The following DENND1A variants were observed in gnomAD, a reference collection of about 807,000 sequenced individuals.
The protein encoded by DENND1A is DENN domain-containing protein 1A.
DENND1A carries 51 observed loss-of-function variants against 113.7 expected under a neutral mutation model. The observed-to-expected ratio is 0.45, with a 90% CI of 0.36 to 0.57. The LOEUF is 0.57. Ranked by LOEUF, DENND1A falls within the 20% of genes least tolerant of loss-of-function variation. DENND1A has a pLI of 0.00. For missense variants in DENND1A, 1,258 were observed against 1,395.9 expected (o/e 0.90, Z 1.57); for synonymous variants, 565 against 570.8 (o/e 0.99, Z 0.14).
At chr9:123,653,110 G>T (rs1429798413) in intron 8 of DENND1A, among the ~76,000 whole-genome samples, 6 of 152,178 alleles carry the variant, frequency 3.9e-5, no homozygotes, top group Non-Finnish European at 7.3e-5. Context: ...CCCATAAATT[G>T]AAGTAAACCA....
chr9:123,396,699 C>T (rs901767217), intron 21 of DENND1A, among the ~76,000 whole-genome samples: 4 of 152,154 alleles, frequency 2.6e-5, no homozygotes, highest in Admixed American at 2.6e-4. Flanking sequence ...CACTCCAATT[C>T]CTAGGCAGCA....
chr9:123,728,037 C>T (rs10986092), intron 5 of DENND1A, among the ~76,000 whole-genome samples: 11 of 151,262 alleles, frequency 7.3e-5, no homozygotes, highest in Admixed American at 1.3e-4. Context: ...ACCCAGAAGG[C>T]GGAGCTTGCA....
chr9:123,741,526 A>G (rs777554713), intron 5 of DENND1A, among the ~76,000 whole-genome samples: 13 of 152,222 alleles, frequency 8.5e-5, no homozygotes, highest in South Asian at 2.1e-4. Context: ...GGAAAATATT[A>G]ATTTCTAACT....
chr9:123,604,523 T>C (rs1057282518), intron 11 of DENND1A, among the ~76,000 whole-genome samples: 26 of 152,208 alleles, frequency 1.7e-4, no homozygotes, highest in African/African-American at 6.0e-4. Context: ...GAAAGGAATG[T>C]ATATTGTGTC....
rs550119319 is a variant in DENND1A at position 123,834,712 on chromosome 9, C to T, written c.89-42082G>A. 1.8e-4 allele frequency among the ~76,000 whole-genome samples: 28 copies of T among 152,240 alleles called. 1 individual carries two copies. The South Asian group carries it at 3.1e-3, about 17-fold the overall frequency. ...ACAAAACGGACTTCTCAATGATAGA[C>T]GAGCAAGCCAAAGCACCGCATATAG... On this transcript the variant is annotated intron_variant, in intron 2 of 23. Coordinates refer to ENST00000394215, the MANE Select transcript of DENND1A (RefSeq NM_001352964.2).
chr9:123,450,743 C>A lies in DENND1A; in HGVS notation c.1306G>T (p.Asp436Tyr). 1.2e-6 allele frequency: 2 copies of A among 1,609,760 alleles called. No homozygotes were observed. Among genetic ancestry groups the A allele is most frequent in the Non-Finnish European group, 1.7e-6 (2 of 1,178,708 alleles). ...AMKTVYKFAK[D>Y]HAKMGIKEVK... is the part of the protein sequence containing the mutation. ...TCTTTTATTCCCATTTTTGCATGAT[C>A]TTTTGCCTGCATGAAAAATTAATTT... is the stretch of plus-strand genomic sequence containing the variant. The change falls in exon 18 of 24, where the codon GAT becomes TAT. Residue 436 changes from aspartate to tyrosine, a missense_variant. Coordinates refer to ENST00000394215, the MANE Select transcript of DENND1A (RefSeq NM_001352964.2).
Position 123,436,376 on chromosome 9 carries a change from C to T in DENND1A, c.1488+3984G>A, listed in dbSNP as rs117459748. On this transcript the variant is annotated intron_variant, in intron 19 of 23. Transcript: ENST00000394215. ...TCCACTTATCTCGAGTGGAGAAACGCGGTCTTCACATTCTCAGGTGAAGTG... is the reference window on the plus strand; with the variant it reads ...TCCACTTATCTCGAGTGGAGAAACGTGGTCTTCACATTCTCAGGTGAAGTG... Among the ~76,000 whole-genome samples, 1,050 of 152,346 alleles carry T rather than the reference C, an allele frequency of 6.9e-3. 4 individuals carry two copies. The highest frequency in any genetic ancestry group is 0.015 in the South Asian group (71 of 4,820).
At chr9:123,717,027 T>C (rs997185377) in intron 5 of DENND1A, among the ~76,000 whole-genome samples, 1 of 152,194 alleles carries the variant, frequency 6.6e-6, no homozygotes, top group Non-Finnish European at 1.5e-5. Context: ...CCTTCTAAAG[T>C]TACCACCCAA....
intron 8 of DENND1A, among the ~76,000 whole-genome samples, chr9:123,655,210 C>T (rs2062873217): frequency 6.6e-6 from 1 of 152,192 alleles, no homozygotes; most frequent in African/African-American, 2.4e-5. Flanking sequence ...CCCCATCTTA[C>T]AGTAACTCAG....
At chr9:123,559,661 T>G (rs1208399178) in intron 12 of DENND1A, among the ~76,000 whole-genome samples, 2 of 152,228 alleles carry the variant, frequency 1.3e-5, no homozygotes, top group Non-Finnish European at 2.9e-5. Context: ...TAAGAAAAAC[T>G]TTTAATAGCT....
intron 21 of DENND1A, among the ~76,000 whole-genome samples, chr9:123,395,496 CAGAG>C (rs143432983): frequency 0.026 from 2,915 of 111,076 alleles, 51 homozygotes; most frequent in Admixed American, 0.036. Flanking sequence ...GTGTGTGTGA[CAGAG>C]AGAGAGAGAG....
At chr9:123,458,633 C>T (rs988577286) in intron 13 of DENND1A, among the ~76,000 whole-genome samples, 10 of 152,118 alleles carry the variant, frequency 6.6e-5, no homozygotes, top group African/African-American at 1.7e-4. Flanking sequence ...CTTTTAGCAG[C>T]GGAACCCTTT....
chr9:123,546,276 A>T (rs57653876), intron 13 of DENND1A, among the ~76,000 whole-genome samples: 5,624 of 151,504 alleles, frequency 0.037, 390 homozygotes, highest in African/African-American at 0.13. Context: ...TGGCCGGGCG[A>T]GGTGGCTCAC....
intron 13 of DENND1A, among the ~76,000 whole-genome samples, chr9:123,469,422 A>C (rs934816133): frequency 1.3e-5 from 2 of 152,254 alleles, no homozygotes; most frequent in Non-Finnish European, 2.9e-5. Context: ...AGAAGCCCCC[A>C]CACGCGCTTG....
chr9:123,531,971 T>C (rs2055358707), intron 13 of DENND1A, among the ~76,000 whole-genome samples: 1 of 152,200 alleles, frequency 6.6e-6, no homozygotes, highest in Non-Finnish European at 1.5e-5. Flanking sequence ...ATGTGGCTTA[T>C]AACATGTGAT....
At chr9:123,460,188 C>T (rs192483109) in intron 13 of DENND1A, among the ~76,000 whole-genome samples, 97 of 152,298 alleles carry the variant, frequency 6.4e-4, no homozygotes, top group African/African-American at 2.3e-3. Context: ...ACACTAGTTC[C>T]TTGGGAAAAA....
rs536343219 is a variant in DENND1A at position 123,470,423 on chromosome 9, C to T, written c.994-12526G>A. On this transcript the variant is annotated intron_variant, in intron 13 of 23. Coordinates refer to ENST00000394215, the MANE Select transcript of DENND1A (RefSeq NM_001352964.2). ...GATTCCCGGTTTCAACACAATGACACTTGCATCCAAAGTCCCAAGAAAGGA... is the reference window on the plus strand; with the variant it reads ...GATTCCCGGTTTCAACACAATGACATTTGCATCCAAAGTCCCAAGAAAGGA... Among the ~76,000 whole-genome samples, 7 of 152,286 alleles carry T rather than the reference C, an allele frequency of 4.6e-5. No homozygotes were observed. The East Asian group carries it at 9.7e-4, about 21-fold the overall frequency.
At chr9:123,403,850 T>G (rs567569768) in intron 20 of DENND1A, among the ~76,000 whole-genome samples, 262 of 152,316 alleles carry the variant, frequency 1.7e-3, no homozygotes, top group Admixed American at 2.8e-3. Context: ...GACAATTCCC[T>G]CTCATCTTCC....
chr9:123,792,035 G>A (rs959212147), intron 3 of DENND1A, among the ~76,000 whole-genome samples: 1 of 152,144 alleles, frequency 6.6e-6, no homozygotes, highest in African/African-American at 2.4e-5. Context: ...TTCTATGCTT[G>A]CAGAATGCTG....
Sources: gnomAD v4.1 joint callset for allele counts (sites outside exome capture counted in the v4.1 genomes callset) on GRCh38, gnomAD v4.1.1 for gene constraint, MANE v1.5 for transcripts, NCBI Gene and HGNC (gene_info 2026-07-23, HGNC 2026-07-21) for gene names.